ROS1: variants seen among roughly 807,000 people sequenced by gnomAD.
ROS1 encodes proto-oncogene tyrosine-protein kinase ROS.
Under a neutral mutation model 273.5 loss-of-function variants are expected in ROS1, and 263 were observed. That is an observed-to-expected ratio of 0.96 (90% CI 0.87 to 1.06). The LOEUF is 1.06. Among genes scored for constraint, ROS1 ranks in the 50% least tolerant of loss-of-function variants. The probability of loss-of-function intolerance (pLI) is 0.00; values close to 1 mark genes in which losing one functional copy is unlikely to be tolerated. For missense variants in ROS1, 2,833 were observed against 2,751.1 expected (o/e 1.03, Z -0.67); for synonymous variants, 1,008 against 954.1 (o/e 1.06, Z -1.04).
chr6:117,341,167 T>C lies in ROS1; in HGVS notation c.5029A>G (p.Asn1677Asp), dbSNP rs1777881454. The C allele has an allele frequency of 6.2e-7, 1 of 1,612,966 alleles. No individual in the cohort carries two copies. The change falls in exon 31 of 44, where the codon AAC becomes GAC. Residue 1677 changes from asparagine to aspartate, a missense_variant. By Grantham distance (23) the Asn-to-Asp change is conservative. Transcript: ENST00000368507. ...QFNWKAPLNVNLIRFWVELQK... is the reference protein window; with the variant it reads ...QFNWKAPLNVDLIRFWVELQK... ...AGCTCAACCCAAAATCTGATGAGGT[T>C]AACATTCAATGGAGCCTTCCAATTA...
intron 5 of ROS1, among the ~76,000 whole-genome samples, chr6:117,408,765 G>A (rs1317786832): frequency 3.3e-5 from 5 of 152,098 alleles, no homozygotes; most frequent in Non-Finnish European, 5.9e-5. Flanking sequence ...ACATGCACAC[G>A]TATGTTTATT....
intron 26 of ROS1, among the ~76,000 whole-genome samples, chr6:117,353,524 T>C (rs1351691735): frequency 1.3e-5 from 2 of 152,236 alleles, no homozygotes; most frequent in East Asian, 3.9e-4. Flanking sequence ...GAGGGAAATA[T>C]TAAATGATAG....
Position 117,337,261 on chromosome 6 carries a change from T to A in ROS1, c.5141A>T (p.Gln1714Leu), listed in dbSNP as rs1562285267. 4 of 1,612,508 alleles carry A rather than the reference T, an allele frequency of 2.5e-6. No homozygotes were observed. The Admixed American group carries it at 6.7e-5, about 27-fold the overall frequency. The change falls in exon 32 of 44, where the codon CAA becomes CTA. Residue 1714 changes from glutamine to leucine, a missense_variant. Physicochemically the swap from Gln to Leu is moderately radical, Grantham distance 113. Transcript: ENST00000368507. ...TCTGACATTATATGAAGTATAAGGT[T>A]GTAGATTTGTGATATTACAGACATA... is the stretch of plus-strand genomic sequence containing the variant. ...PAYVCNITNLQPYTSYNVRVV... is the reference protein window; with the variant it reads ...PAYVCNITNLLPYTSYNVRVV...
intron 36 of ROS1, among the ~76,000 whole-genome samples, chr6:117,320,826 C>T (rs1776240340): frequency 6.6e-6 from 1 of 152,086 alleles, no homozygotes; most frequent in Non-Finnish European, 1.5e-5. Context: ...AAGTTCAAAA[C>T]TCATCTATCT....
chr6:117,370,351 T>C (rs1046938781), intron 18 of ROS1, among the ~76,000 whole-genome samples: 2 of 152,168 alleles, frequency 1.3e-5, no homozygotes, highest in Non-Finnish European at 2.9e-5. Context: ...GAGTATATGA[T>C]ATTTTGCTTT....
Position 117,360,339 on chromosome 6 carries a change from T to C in ROS1, c.3430+3A>G. On this transcript the variant is annotated splice_donor_region_variant and intron_variant, in intron 23 of 43. Coordinates refer to ENST00000368507, the MANE Select transcript of ROS1 (RefSeq NM_001378902.1). The stretch of plus-strand genomic sequence containing the variant: ...ATTTGCACAGATTTTAGAAAACAAA[T>C]ACCTGATGTTGTAGACTTTACAACG... 6.2e-7 allele frequency: 1 copy of C among 1,608,426 alleles called. No homozygotes were observed. The highest frequency in any genetic ancestry group is 1.3e-5 in the African/African-American group (1 of 74,474).
At chr6:117,377,360 G>A (rs891497072) in intron 18 of ROS1, among the ~76,000 whole-genome samples, 7 of 151,890 alleles carry the variant, frequency 4.6e-5, no homozygotes, top group African/African-American at 1.7e-4. Flanking sequence ...ATCCACCCAT[G>A]TCAGCCTCCC....
At chr6:117,364,960 TA>T in intron 21 of ROS1, 99 bp downstream of exon 21, 1 of 1,218,256 alleles carries the variant, frequency 8.2e-7, no homozygotes, top group Non-Finnish European at 1.2e-6. Context: ...AACACATCTA[TA>T]AAACTGAAAG....
rs57251029 is a variant in ROS1, at chr6:117,340,807, AT to A, written c.5061+327del. On this transcript the variant is annotated intron_variant, in intron 31 of 43. Coordinates refer to ENST00000368507, the MANE Select transcript of ROS1 (RefSeq NM_001378902.1). ...TTTTTTCTTTCTTCAGTTCTTTTTC[AT>A]TTTTTTTTCATGGAAAACACCAAGT... Among the ~76,000 whole-genome samples, 494 of 150,768 alleles carry A rather than the reference AT, an allele frequency of 3.3e-3. 3 individuals are homozygous for A. The highest frequency in any genetic ancestry group is 0.011 in the African/African-American group (466 of 41,130).
intron 32 of ROS1, among the ~76,000 whole-genome samples, chr6:117,332,704 C>A (rs1004899201): frequency 6.6e-6 from 1 of 152,176 alleles, no homozygotes; most frequent in Non-Finnish European, 1.5e-5. Context: ...CTCAAAACCA[C>A]ACAATTTCCT....
In ROS1 at chr6:117,298,260, A is replaced by G. The variant is rs980929617; in HGVS notation, c.6715+2714T>C. ...AATAAGAAATTACTTAATGGGTACAAGGTACAATATTCAGGTGATAGATAC... is the reference window on the plus strand; with the variant it reads ...AATAAGAAATTACTTAATGGGTACAGGGTACAATATTCAGGTGATAGATAC... On this transcript the variant is annotated intron_variant, in intron 43 of 43. Coordinates refer to ENST00000368507, the MANE Select transcript of ROS1 (RefSeq NM_001378902.1). Among the ~76,000 whole-genome samples the G allele has an allele frequency of 7.9e-5, 12 of 152,178 alleles. 1 individual carries two copies. The highest frequency in any genetic ancestry group is 7.4e-5 in the Non-Finnish European group (5 of 68,010).
Position 117,425,795 on chromosome 6 carries a change from C to T in ROS1, c.-139G>A. The stretch of plus-strand genomic sequence containing the variant: ...GTTTGTTTTGCTATATTAGGATATA[C>T]TTGCCTTTTGAAATAATACTTAGCC... On this transcript the variant is annotated 5_prime_UTR_variant, in exon 1 of 44. Coordinates refer to ENST00000368507, the MANE Select transcript of ROS1 (RefSeq NM_001378902.1). 2 of 875,260 alleles carry T rather than the reference C, an allele frequency of 2.3e-6. No individual in the cohort carries two copies. Among genetic ancestry groups the T allele is most frequent in the Non-Finnish European group, 3.6e-6 (2 of 562,602 alleles). The allele number at this position is 875,260 out of a possible 1,614,324, so 54.2% of individuals were successfully genotyped here. A position where few individuals can be genotyped will look rare whatever the true frequency, so the allele number is the denominator to read the frequency against.
chr6:117,322,708 G>A (rs1776364535), intron 35 of ROS1, among the ~76,000 whole-genome samples: 2 of 152,126 alleles, frequency 1.3e-5, no homozygotes, highest in African/African-American at 4.8e-5. Context: ...AAATAATTGT[G>A]ACTGTTTTGT....
intron 42 of ROS1, among the ~76,000 whole-genome samples, chr6:117,302,697 A>G (rs574996135): frequency 6.6e-6 from 1 of 152,300 alleles, no homozygotes; most frequent in Admixed American, 6.5e-5. Flanking sequence ...TGTTCACCCA[A>G]TATAGGAAAC....
intron 26 of ROS1, 85 bp from the exon 27 acceptor site, chr6:117,353,251 A>ATTAT: frequency 1.1e-6 from 1 of 948,708 alleles, no homozygotes; most frequent in Non-Finnish European, 1.5e-6. Flanking sequence ...TTTTTTCTAT[A>ATTAT]TTATAATTGC....
intron 43 of ROS1, among the ~76,000 whole-genome samples, chr6:117,296,042 T>C (rs964172355): frequency 6.6e-6 from 1 of 152,178 alleles, no homozygotes; most frequent in Non-Finnish European, 1.5e-5. Flanking sequence ...TGCACTCCTA[T>C]GTTTATTGCA....
At chr6:117,382,010 A>C (rs1352691305) in intron 17 of ROS1, among the ~76,000 whole-genome samples, 2 of 152,190 alleles carry the variant, frequency 1.3e-5, no homozygotes, top group Non-Finnish European at 2.9e-5. Context: ...TACTCAAACA[A>C]CCATATCAGA....
chr6:117,313,583 A>G (rs1192549917), intron 39 of ROS1, among the ~76,000 whole-genome samples: 1 of 152,124 alleles, frequency 6.6e-6, no homozygotes, highest in East Asian at 1.9e-4. Flanking sequence ...AAAAAAAAAA[A>G]AAGTTAAAAG....
chr6:117,290,696 C>T (rs1446075031), intron 43 of ROS1, among the ~76,000 whole-genome samples: 1 of 152,124 alleles, frequency 6.6e-6, no homozygotes, highest in Non-Finnish European at 1.5e-5. Context: ...TGGATGAAGT[C>T]ACTGGGATAT....
Sources: allele counts gnomAD v4.1 joint callset (sites outside exome capture counted in the v4.1 genomes callset), GRCh38; gene constraint gnomAD v4.1.1; transcripts MANE v1.5; gene names NCBI Gene and HGNC (gene_info 2026-07-23, HGNC 2026-07-21).